LIPA: variants seen among roughly 807,000 people sequenced by gnomAD.
LIPA encodes the protein lysosomal acid lipase/cholesteryl ester hydrolase.
Under a neutral mutation model 40.6 loss-of-function variants are expected in LIPA, and 26 were observed. The ratio of observed to expected loss-of-function variants is 0.64; its 90% CI spans 0.47 to 0.89. The LOEUF (loss-of-function observed/expected upper bound fraction) is 0.89. Among genes scored for constraint, LIPA ranks in the 40% least tolerant of loss-of-function variants. LIPA has a pLI of 0.00. For synonymous variants in LIPA, 188 were observed against 168.4 expected (o/e 1.12, Z -0.90); for missense variants, 455 against 479.6 (o/e 0.95, Z 0.48).
intron 1 of LIPA, among the ~76,000 whole-genome samples, chr10:89,326,281 TTG>T (rs1843598735): frequency 2.0e-5 from 3 of 152,186 alleles, no homozygotes; most frequent in Admixed American, 1.3e-4. Flanking sequence ...ATCCTGTCAT[TTG>T]CAACAACATG....
intron 1 of LIPA, among the ~76,000 whole-genome samples, chr10:89,319,931 G>A (rs914861427): frequency 2.6e-5 from 4 of 152,174 alleles, no homozygotes; most frequent in Non-Finnish European, 5.9e-5. Flanking sequence ...ATTAATAAAT[G>A]TAATCCAGCA....
intron 2 of LIPA, among the ~76,000 whole-genome samples, chr10:89,348,154 A>G (rs7100115): frequency 0.069 from 10,531 of 152,284 alleles, 916 homozygotes; most frequent in African/African-American, 0.2. Flanking sequence ...AGGCTCAGCA[A>G]TCTGAATTCA....
chr10:89,221,324 C>T (rs1233890676), intron 8 of LIPA, among the ~76,000 whole-genome samples: 1 of 151,962 alleles, frequency 6.6e-6, no homozygotes, highest in Admixed American at 6.6e-5. Flanking sequence ...CACTACACTC[C>T]AGCCTGGCAA....
At chr10:89,402,686 G>C in intron 2 of LIPA, 1 of 1,614,198 alleles carries the variant, frequency 6.2e-7, no homozygotes, top group Non-Finnish European at 8.5e-7. Context: ...ATAGAATGGA[G>C]TGTCCAGAAA....
chr10:89,353,344 C>A (rs531076670), intron 2 of LIPA, among the ~76,000 whole-genome samples: 2 of 152,248 alleles, frequency 1.3e-5, no homozygotes, highest in Non-Finnish European at 2.9e-5. Flanking sequence ...GGTAGGGAAA[C>A]AATGCCTCAA....
rs1841487917 is a variant in LIPA at position 89,413,010 on chromosome 10, C to T, written c.-71-88G>A. On this transcript the variant is annotated intron_variant, in intron 1 of 8. Coordinates refer to the LIPA transcript ENST00000371837. ...TACTTCTTGATGCTCTCCCTCCCAC[C>T]ACCCCCAACTCCAACAAGCCCCAGT... 2.8e-5 allele frequency: 5 copies of T among 175,822 alleles called. No individual in the cohort carries two copies. The South Asian group carries it at 4.4e-4, about 16-fold the overall frequency. 10.9% of individuals were successfully genotyped at this position (175,822 alleles called of 1,614,324 possible). A position where few individuals can be genotyped will look rare whatever the true frequency, so the allele number is the denominator to read the frequency against.
At chr10:89,390,527 G>A (rs1844238418) in intron 2 of LIPA, among the ~76,000 whole-genome samples, 1 of 152,148 alleles carries the variant, frequency 6.6e-6, no homozygotes, top group Admixed American at 6.5e-5. Flanking sequence ...AGACTCCTGG[G>A]AATGAACTCA....
At chr10:89,281,242 C>A (rs1338242586) in intron 1 of LIPA, among the ~76,000 whole-genome samples, 1 of 152,156 alleles carries the variant, frequency 6.6e-6, no homozygotes, top group East Asian at 1.9e-4. Context: ...AAGAATCCTG[C>A]TGAGCCACTT....
intron 1 of LIPA, among the ~76,000 whole-genome samples, chr10:89,290,290 C>A (rs762653311): frequency 6.6e-6 from 1 of 152,122 alleles, no homozygotes; most frequent in African/African-American, 2.4e-5. Flanking sequence ...CAGGCCATCA[C>A]CAATCATCCT....
chr10:89,230,507 A>G (rs1456422622), intron 3 of LIPA, among the ~76,000 whole-genome samples: 1 of 152,060 alleles, frequency 6.6e-6, no homozygotes, highest in Non-Finnish European at 1.5e-5. Context: ...GTGTTTCACC[A>G]TGTTCCCAGG....
Position 89,222,566 on chromosome 10 carries a change from T to A in LIPA, c.839A>T (p.Tyr280Phe). ...RNLNMSRVDV[Y>F]TTHSPAGTSV... ...AGTTCCAGCAGGAGAATGTGTTGTA[T>A]ATACATCCACTCTAGACTGCAAAAT... Residue 280 changes from tyrosine (Y) to phenylalanine (F), a missense_variant, in exon 8 of 10, where the codon TAT (tyrosine) becomes TTT (phenylalanine). By Grantham distance (22) the Tyr-to-Phe change is conservative (BLOSUM62 3). Transcript: ENST00000336233. The A allele has an allele frequency of 6.2e-7, 1 of 1,601,456 alleles. No homozygotes were observed. Among genetic ancestry groups the A allele is most frequent in the Non-Finnish European group, 8.6e-7 (1 of 1,168,390 alleles).
chr10:89,293,720 T>C (rs909516846), intron 1 of LIPA: 5 of 114,384 alleles, frequency 4.4e-5, no homozygotes, highest in African/African-American at 1.4e-4. Flanking sequence ...GAGAGATATC[T>C]GAGGTCTCTT....
chr10:89,306,528 C>G (rs756436734), intron 1 of LIPA: 2 of 1,614,114 alleles, frequency 1.2e-6, no homozygotes, highest in South Asian at 1.1e-5. Context: ...TGGCCACCAT[C>G]TCAGAACGCC....
intron 1 of LIPA, among the ~76,000 whole-genome samples, chr10:89,281,885 C>T (rs1843318122): frequency 6.6e-6 from 1 of 152,148 alleles, no homozygotes. Context: ...ACATACTATC[C>T]CTACTTAGTG....
intron 9 of LIPA, 50 bp downstream of exon 9, chr10:89,215,888 T>C (rs1269271478): frequency 8.3e-7 from 1 of 1,210,620 alleles, no homozygotes; most frequent in Non-Finnish European, 1.2e-6. Flanking sequence ...AGGCTGGCTT[T>C]CTTGATGAGT....
chr10:89,384,912 T>C lies in LIPA; in HGVS notation c.61+27879A>G, dbSNP rs953235837. 6 of 586,342 alleles carry C rather than the reference T, an allele frequency of 1.0e-5. No homozygotes were observed. In the Admixed American group the frequency reaches 1.3e-4, roughly 13 times the overall value. The allele number at this position is 586,342 out of a possible 1,614,324, so 36.3% of individuals were successfully genotyped here. ...CAACTGCAACTTCTGCTTTTTCCTG[T>C]AAATGATCAGGAAAGGCCTTGTGGC... On this transcript the variant is annotated intron_variant, in intron 2 of 8. Transcript: ENST00000371837.
Position 89,290,482 on chromosome 10 carries a change from A to C in LIPA, c.-1-42833T>G, listed in dbSNP as rs939442244. On this transcript the variant is annotated intron_variant, in intron 1 of 5. Transcript: ENST00000282673. ...ACTATTTTATGCTATTTTTCTTATT[A>C]ATATAAGAAGACAGGAATGTCAGGC... Among the ~76,000 whole-genome samples the C allele has an allele frequency of 2.6e-5, 4 of 151,590 alleles. No homozygotes were observed. The East Asian group carries it at 7.7e-4, about 29-fold the overall frequency.
intron 4 of LIPA, among the ~76,000 whole-genome samples, chr10:89,227,641 G>A (rs761475041): frequency 1.3e-5 from 2 of 152,220 alleles, no homozygotes; most frequent in Non-Finnish European, 2.9e-5. Context: ...GGCAGGAGAA[G>A]AGCCAACCCC....
intron 1 of LIPA, among the ~76,000 whole-genome samples, chr10:89,265,496 A>G (rs1211676810): frequency 6.6e-6 from 1 of 152,254 alleles, no homozygotes; most frequent in Non-Finnish European, 1.5e-5. Flanking sequence ...TGAACAGTGT[A>G]TAAGTAGCTT....
Sources: allele counts gnomAD v4.1 joint callset (sites outside exome capture counted in the v4.1 genomes callset), GRCh38; gene constraint gnomAD v4.1.1; transcripts MANE v1.5; gene names NCBI Gene and HGNC (gene_info 2026-07-23, HGNC 2026-07-21).